The following CRADD variants were observed in gnomAD, a reference collection of about 807,000 sequenced individuals.
CRADD encodes CARD and death domain containing adaptor protein.
Under a neutral mutation model 15.5 loss-of-function variants are expected in CRADD, and 9 were observed. That is an observed-to-expected ratio of 0.58 (90% CI 0.35 to 1.01). The LOEUF is 1.01. Among genes scored for constraint, CRADD ranks in the 50% least tolerant of loss-of-function variants. The pLI, the probability that CRADD is intolerant of heterozygous loss-of-function variation, is 0.02. For missense variants in CRADD, 227 were observed against 250.3 expected (o/e 0.91, Z 0.63); for synonymous variants, 118 against 107.6 (o/e 1.10, Z -0.60).
At chr12:93,706,036 A>T (rs1955943273) in intron 2 of CRADD, among the ~76,000 whole-genome samples, 1 of 152,146 alleles carries the variant, frequency 6.6e-6, no homozygotes, top group South Asian at 2.1e-4. Flanking sequence ...TTCTTCTCTT[A>T]TTCTGGACTT....
At chr12:93,755,620 T>G (rs953013088) in intron 2 of CRADD, among the ~76,000 whole-genome samples, 33 of 152,160 alleles carry the variant, frequency 2.2e-4, no homozygotes, top group Admixed American at 5.2e-4. Context: ...CAGGCGTACC[T>G]CCTTTAGGTG....
intron 2 of CRADD, among the ~76,000 whole-genome samples, chr12:93,879,871 A>G (rs1209689386): frequency 2.0e-5 from 3 of 152,214 alleles, no homozygotes; most frequent in Non-Finnish European, 4.4e-5. Flanking sequence ...CAAGCGTCCT[A>G]CAATACACTT....
intron 2 of CRADD, among the ~76,000 whole-genome samples, chr12:93,843,962 T>A (rs1444819448): frequency 6.6e-6 from 1 of 152,166 alleles, no homozygotes. Flanking sequence ...CCTCAAGTGA[T>A]TCACCCACCT....
chr12:93,742,214 C>A (rs1276797660), intron 2 of CRADD, among the ~76,000 whole-genome samples: 1 of 152,204 alleles, frequency 6.6e-6, no homozygotes, highest in Non-Finnish European at 1.5e-5. Flanking sequence ...AGGCAGGAAG[C>A]CGTCAAGGAG....
chr12:93,762,515 G>T (rs1956978321), intron 2 of CRADD, among the ~76,000 whole-genome samples: 2 of 152,174 alleles, frequency 1.3e-5, no homozygotes. Flanking sequence ...GGGCAATAGG[G>T]CTTGCCTGGC....
At chr12:93,702,299 G>C (rs1172711632) in intron 2 of CRADD, among the ~76,000 whole-genome samples, 1 of 152,016 alleles carries the variant, frequency 6.6e-6, no homozygotes, top group Non-Finnish European at 1.5e-5. Context: ...TTGAATCTGG[G>C]CTTGGCAGGG....
intron 2 of CRADD, among the ~76,000 whole-genome samples, chr12:93,784,792 TAG>T (rs1454514671): frequency 1.1e-4 from 17 of 152,132 alleles, no homozygotes; most frequent in Non-Finnish European, 2.2e-4. Flanking sequence ...GACATAAGAA[TAG>T]ATATTCATTC....
intron 2 of CRADD, among the ~76,000 whole-genome samples, chr12:93,869,306 A>G (rs1055629083): frequency 6.6e-6 from 1 of 152,140 alleles, no homozygotes; most frequent in Non-Finnish European, 1.5e-5. Flanking sequence ...AAAACCAAAT[A>G]CTCATCTGAT....
intron 2 of CRADD, among the ~76,000 whole-genome samples, chr12:93,775,539 G>C (rs1157819095): frequency 6.6e-6 from 1 of 151,584 alleles, no homozygotes; most frequent in Admixed American, 6.6e-5. Context: ...AAAGAGCACG[G>C]GTTACTCTAT....
At chr12:93,893,127 C>A (rs79472731) in intron 2 of CRADD, among the ~76,000 whole-genome samples, 7 of 152,068 alleles carry the variant, frequency 4.6e-5, no homozygotes, top group Non-Finnish European at 8.8e-5. Context: ...TGTTTTTCTG[C>A]CAGTGTGAAC....
intron 2 of CRADD, among the ~76,000 whole-genome samples, chr12:93,699,125 G>T (rs565647104): frequency 6.6e-6 from 1 of 152,246 alleles, no homozygotes; most frequent in African/African-American, 2.4e-5. Flanking sequence ...TCTTTACTTG[G>T]TGCCTAACTG....
chr12:93,808,577 C>T (rs1957576091), intron 2 of CRADD, among the ~76,000 whole-genome samples: 1 of 152,096 alleles, frequency 6.6e-6, no homozygotes, highest in South Asian at 2.1e-4. Context: ...CAGCACTGTG[C>T]CCACCCAGTT....
intron 2 of CRADD, among the ~76,000 whole-genome samples, chr12:93,777,326 A>G (rs995776590): frequency 2.6e-5 from 4 of 152,212 alleles, no homozygotes; most frequent in Non-Finnish European, 5.9e-5. Context: ...GTCAGAACTG[A>G]GGTTAGTACA....
chr12:93,702,577 ATG>A (rs1054069875), intron 2 of CRADD, among the ~76,000 whole-genome samples: 4 of 151,058 alleles, frequency 2.6e-5, no homozygotes, highest in Non-Finnish European at 4.4e-5. Context: ...TGGTATCTGA[ATG>A]TGGCATTACG....
At chr12:93,828,442 T>C (rs1231851246) in intron 2 of CRADD, among the ~76,000 whole-genome samples, 1 of 152,234 alleles carries the variant, frequency 6.6e-6, no homozygotes, top group Non-Finnish European at 1.5e-5. Context: ...TAGTTTTAGG[T>C]TTTCCATTTG....
At position 93,815,314 on chromosome 12, in the gene CRADD, A is replaced by T. The variant is rs528801899; in HGVS notation, c.299-34656A>T. Reference sequence around the variant, plus strand: ...TTATTAATAATCTCCAAAAAATCAAATTATAGCAAACACTAATGATGTTTG... The same window carrying T: ...TTATTAATAATCTCCAAAAAATCAATTTATAGCAAACACTAATGATGTTTG... On this transcript the variant is annotated intron_variant, in intron 2 of 2. Transcript: ENST00000332896. 9 of 152,354 alleles carry T rather than the reference A, an allele frequency of 5.9e-5. No individual in the cohort carries two copies. In the East Asian group the frequency reaches 1.7e-3, roughly 29 times the overall value. The allele number at this position is 152,354 out of a possible 1,614,324, so 9.4% of individuals were successfully genotyped here.
chr12:93,718,361 T>C (rs1273039504), intron 2 of CRADD, among the ~76,000 whole-genome samples: 1 of 152,198 alleles, frequency 6.6e-6, no homozygotes, highest in East Asian at 1.9e-4. Context: ...CTCATATAGA[T>C]CTTGTACGTA....
At chr12:93,703,359 C>CTTTTTT (rs34708379) in intron 2 of CRADD, among the ~76,000 whole-genome samples, 17 of 136,508 alleles carry the variant, frequency 1.2e-4, no homozygotes, top group South Asian at 4.7e-4. Flanking sequence ...TTTTCTTTTT[C>CTTTTTT]TTTTTTTTTT....
intron 2 of CRADD, among the ~76,000 whole-genome samples, chr12:93,716,111 G>C (rs1373865248): frequency 6.8e-6 from 1 of 147,556 alleles, no homozygotes; most frequent in African/African-American, 2.5e-5. Context: ...TAGCCTGTGT[G>C]ACAGAGCAAG....
Sources: gnomAD v4.1 joint callset for allele counts (sites outside exome capture counted in the v4.1 genomes callset) on GRCh38, gnomAD v4.1.1 for gene constraint, MANE v1.5 for transcripts, NCBI Gene and HGNC (gene_info 2026-07-23, HGNC 2026-07-21) for gene names.